Variants in IL15 observed in about 807,000 individuals in gnomAD.
IL15 encodes the protein interleukin-15.
In IL15, 11 loss-of-function variants were observed where a neutral mutation model predicts 19.6. The ratio of observed to expected loss-of-function variants is 0.56; its 90% confidence interval spans 0.35 to 0.93. The LOEUF (loss-of-function observed/expected upper bound fraction) is 0.93. Ranked by LOEUF, IL15 falls within the 40% of genes least tolerant of loss-of-function variation. The pLI is 0.01. For missense variants in IL15, 197 were observed against 186.5 expected (o/e 1.06, Z -0.33); for synonymous variants, 58 against 59.6 (o/e 0.97, Z 0.12).
intron 2 of IL15, among the ~76,000 whole-genome samples, chr4:141,675,429 T>G (rs980556655): frequency 6.6e-6 from 1 of 152,190 alleles, no homozygotes; most frequent in African/African-American, 2.4e-5. Context: ...GGTAATGAGG[T>G]GAACTCCAGC....
At chr4:141,688,412 G>A (rs1039063262) in intron 2 of IL15, among the ~76,000 whole-genome samples, 4 of 152,058 alleles carry the variant, frequency 2.6e-5, no homozygotes, top group African/African-American at 7.2e-5. Flanking sequence ...CTTTAAAAAC[G>A]TGATCCAATT....
chr4:141,637,370 A>C (rs1003196530), intron 1 of IL15: 2 of 152,340 alleles, frequency 1.3e-5, no homozygotes, highest in Non-Finnish European at 2.9e-5. Context: ...CTGGGAGAGA[A>C]ATTTGCAGGA....
intron 2 of IL15, among the ~76,000 whole-genome samples, chr4:141,664,699 C>T (rs74329946): frequency 0.021 from 3,190 of 152,078 alleles, 61 homozygotes; most frequent in Non-Finnish European, 0.031. Flanking sequence ...AATTTGCTTG[C>T]GTTTTATAAA....
chr4:141,727,896 G>T (rs745462754), intron 5 of IL15, 44 bp from the exon 6 acceptor site: 2 of 811,370 alleles, frequency 2.5e-6, no homozygotes, highest in Admixed American at 4.6e-5. Context: ...AATATTTAAA[G>T]CAGGGCATAG....
At chr4:141,732,232 C>A (rs977640323) in intron 7 of IL15, among the ~76,000 whole-genome samples, 2 of 151,988 alleles carry the variant, frequency 1.3e-5, no homozygotes, top group African/African-American at 4.8e-5. Flanking sequence ...ATCTTAAGTG[C>A]GAGTAGCAGC....
intron 2 of IL15, among the ~76,000 whole-genome samples, chr4:141,713,242 T>G (rs886555780): frequency 2.6e-5 from 4 of 152,164 alleles, no homozygotes; most frequent in Non-Finnish European, 4.4e-5. Context: ...TTTAAAGATA[T>G]CACTTTCTCA....
intron 2 of IL15, among the ~76,000 whole-genome samples, chr4:141,687,824 G>C (rs1372673725): frequency 6.6e-6 from 1 of 152,112 alleles, no homozygotes; most frequent in African/African-American, 2.4e-5. Context: ...AGTTGTGATA[G>C]AGCAAGTTTG....
intron 2 of IL15, among the ~76,000 whole-genome samples, chr4:141,690,777 A>AT (rs1298981736): frequency 2.0e-5 from 3 of 151,704 alleles, no homozygotes; most frequent in East Asian, 1.9e-4. Flanking sequence ...ACATACTCCT[A>AT]TTTTTTTCAT....
chr4:141,706,378 C>A (rs1289750353), intron 2 of IL15, among the ~76,000 whole-genome samples: 2 of 151,974 alleles, frequency 1.3e-5, no homozygotes, highest in Non-Finnish European at 2.9e-5. Context: ...TAATTTACTT[C>A]TTTACCCATT....
intron 2 of IL15, among the ~76,000 whole-genome samples, chr4:141,712,838 T>A (rs967186223): frequency 2.6e-5 from 4 of 151,626 alleles, no homozygotes; most frequent in African/African-American, 7.3e-5. Flanking sequence ...AATTAACCAA[T>A]TTGTCTTATT....
At chr4:141,722,057 T>C in intron 5 of IL15, 49 bp downstream of exon 5, 1 of 1,495,684 alleles carries the variant, frequency 6.7e-7, no homozygotes, top group South Asian at 1.4e-5. Flanking sequence ...GCTATGGAGT[T>C]TGTCTCTCTC....
chr4:141,717,853 G>T (rs1333590579), intron 2 of IL15: 1 of 151,932 alleles, frequency 6.6e-6, no homozygotes. Context: ...TAAAGACGGG[G>T]TTTCACCATG....
rs1009051781 is a variant in IL15 at position 141,636,690 on chromosome 4, C to T, written c.-280C>T. ...GCCCCCCGGGAGGGAACTGGGTGGC[C>T]GCACCCTCCCGGCTGCGGTGGCTGT... On this transcript the variant is annotated 5_prime_UTR_variant, in exon 1 of 8. Coordinates refer to ENST00000320650, the MANE Select transcript of IL15 (RefSeq NM_000585.5). 10 of 152,054 alleles carry T rather than the reference C, an allele frequency of 6.6e-5. No individual in the cohort carries two copies. Among genetic ancestry groups the T allele is most frequent in the Non-Finnish European group, 1.0e-4 (7 of 68,040 alleles). 9.4% of individuals were successfully genotyped at this position (152,054 alleles called of 1,614,324 possible).
At chr4:141,660,578 G>T (rs1265574467) in intron 2 of IL15, among the ~76,000 whole-genome samples, 3 of 152,126 alleles carry the variant, frequency 2.0e-5, no homozygotes, top group Non-Finnish European at 4.4e-5. Context: ...TGTTAACACG[G>T]TTATTTTGTT....
intron 5 of IL15, among the ~76,000 whole-genome samples, chr4:141,727,287 G>A (rs1361867910): frequency 6.6e-6 from 1 of 151,962 alleles, no homozygotes; most frequent in Non-Finnish European, 1.5e-5. Context: ...GGAGAACAAA[G>A]GGGTGTATAA....
chr4:141,719,347 G>T lies in IL15; in HGVS notation c.-99-19G>T. Reference sequence around the variant, plus strand: ...TTACTAGTGCACTTGTGTTTTTAATGGATCATACTTTACCCTAGATTGTAT... The same window carrying T: ...TTACTAGTGCACTTGTGTTTTTAATTGATCATACTTTACCCTAGATTGTAT... On this transcript the variant is annotated intron_variant, in intron 2 of 7. Coordinates refer to ENST00000320650, the MANE Select transcript of IL15 (RefSeq NM_000585.5). The T allele has an allele frequency of 3.3e-6, 2 of 602,008 alleles. No homozygotes were observed. Among genetic ancestry groups the T allele is most frequent in the Admixed American group, 2.8e-5 (1 of 35,624 alleles). The allele number at this position is 602,008 out of a possible 1,614,324, so 37.3% of individuals were successfully genotyped here.
intron 4 of IL15, 38 bp from the exon 5 acceptor site, chr4:141,721,886 C>G: frequency 6.6e-7 from 1 of 1,511,598 alleles, no homozygotes; most frequent in Non-Finnish European, 9.0e-7. Flanking sequence ...GATGAATAGG[C>G]TCCTTCAAAA....
rs944683365 is a variant in IL15 at position 141,678,502 on chromosome 4, C to G, written c.-100+22195C>G. Among the ~76,000 whole-genome samples the G allele has an allele frequency of 2.0e-5, 3 of 149,040 alleles. No individual in the cohort carries two copies. In the South Asian group the frequency reaches 6.3e-4, roughly 31 times the overall value. ...AAGAGAAATCCCTTACTTGATCATA[C>G]AAAGCTATCATTTAACTAGGGACCC... is the stretch of plus-strand genomic sequence containing the variant. On this transcript the variant is annotated intron_variant, in intron 2 of 7. Transcript: ENST00000320650.
chr4:141,687,509 T>A (rs567312113), intron 2 of IL15, among the ~76,000 whole-genome samples: 1 of 152,318 alleles, frequency 6.6e-6, no homozygotes, highest in Admixed American at 6.5e-5. Context: ...ACTAAAGGCC[T>A]GAGGCTATTA....
Sources: gnomAD v4.1 joint callset for allele counts (sites outside exome capture counted in the v4.1 genomes callset) on GRCh38, gnomAD v4.1.1 for gene constraint, MANE v1.5 for transcripts, NCBI Gene and HGNC (gene_info 2026-07-23, HGNC 2026-07-21) for gene names.